Variants in STYK1 observed in about 807,000 individuals in gnomAD.
The protein encoded by STYK1 is STY kinase 1.
STYK1 carries 46 observed loss-of-function variants against 48.1 expected under a neutral mutation model. That is an observed-to-expected ratio of 0.96 (90% confidence interval 0.75 to 1.22). The LOEUF is 1.22. Ranked by LOEUF, STYK1 falls within the 50% of genes most tolerant of loss-of-function variation. The pLI, the probability that STYK1 is intolerant of heterozygous loss-of-function variation, is 0.00. For synonymous variants in STYK1, 188 were observed against 189.0 expected (o/e 0.99, Z 0.04); for missense variants, 527 against 521.1 (o/e 1.01, Z -0.11).
In STYK1 at chr12:10,619,348, G is replaced by GCACCCA. The variant is rs1865868268; in HGVS notation, c.*795_*796insTGGGTG. 6.7e-6 allele frequency: 1 copy of GCACCCA among 150,212 alleles called. No homozygotes were observed. The highest frequency in any genetic ancestry group is 2.1e-4 in the South Asian group (1 of 4,718). The allele number at this position is 150,212 out of a possible 1,614,324, so 9.3% of individuals were successfully genotyped here. ...GGTTTCTACATTTCCTATTTATTGTGCACACACACACACACACACACAGAA... is the reference window on the plus strand; with the variant it reads ...GGTTTCTACATTTCCTATTTATTGTGCACCCACACACACACACACACACACACAGAA... On this transcript the variant is annotated 3_prime_UTR_variant, in exon 11 of 11. Transcript: ENST00000075503.
chr12:10,652,333 A>T (rs556135795), intron 1 of STYK1, among the ~76,000 whole-genome samples: 1 of 152,288 alleles, frequency 6.6e-6, no homozygotes, highest in South Asian at 2.1e-4. Flanking sequence ...TCAGCAAGTT[A>T]GATCACTTCC....
At chr12:10,630,490 T>C (rs567178053) in intron 5 of STYK1, among the ~76,000 whole-genome samples, 57 of 150,214 alleles carry the variant, frequency 3.8e-4, no homozygotes, top group Non-Finnish European at 6.8e-4. Context: ...GTAACATCCA[T>C]TGTGAAAAAA....
intron 6 of STYK1, among the ~76,000 whole-genome samples, chr12:10,628,532 T>TG (rs1947385690): frequency 6.6e-6 from 1 of 152,194 alleles, no homozygotes; most frequent in Non-Finnish European, 1.5e-5. Context: ...CCTAAATACT[T>TG]GCAATCGTCC....
chr12:10,664,621 CTGTT>C (rs1399673706), intron 1 of STYK1, among the ~76,000 whole-genome samples: 1 of 152,152 alleles, frequency 6.6e-6, no homozygotes, highest in East Asian at 1.9e-4. Flanking sequence ...TATTGTCCGT[CTGTT>C]TGTAGATATC....
chr12:10,656,031 C>T (rs1947714432), intron 1 of STYK1, among the ~76,000 whole-genome samples: 1 of 152,134 alleles, frequency 6.6e-6, no homozygotes, highest in Non-Finnish European at 1.5e-5. Flanking sequence ...CCATAATTCC[C>T]ATGTGTTGTG....
At chr12:10,655,748 T>C (rs1217179510) in intron 1 of STYK1, among the ~76,000 whole-genome samples, 1 of 152,208 alleles carries the variant, frequency 6.6e-6, no homozygotes, top group Non-Finnish European at 1.5e-5. Flanking sequence ...TCTGGGAGGT[T>C]ACCTTTGGTA....
intron 1 of STYK1, among the ~76,000 whole-genome samples, chr12:10,650,432 G>A (rs533798000): frequency 6.6e-6 from 1 of 152,316 alleles, no homozygotes; most frequent in South Asian, 2.1e-4. Context: ...TTCAGTGATA[G>A]TAGCTAAAAG....
intron 1 of STYK1, among the ~76,000 whole-genome samples, chr12:10,641,366 T>G (rs1947542871): frequency 6.6e-6 from 1 of 152,152 alleles, no homozygotes; most frequent in Non-Finnish European, 1.5e-5. Flanking sequence ...GCCTGCTGGG[T>G]TTTTCCTTCT....
At chr12:10,647,908 A>G (rs1375158402) in intron 1 of STYK1, among the ~76,000 whole-genome samples, 1 of 152,206 alleles carries the variant, frequency 6.6e-6, no homozygotes, top group Admixed American at 6.5e-5. Context: ...GTCTTCTGCC[A>G]TGATTGTAAG....
chr12:10,626,732 C>T (rs1174625660), intron 7 of STYK1, among the ~76,000 whole-genome samples: 1 of 152,076 alleles, frequency 6.6e-6, no homozygotes, highest in African/African-American at 2.4e-5. Context: ...TTAGGCCGGG[C>T]ACGGTGGCTC....
intron 5 of STYK1, among the ~76,000 whole-genome samples, chr12:10,630,385 C>CAAAAAAAAAAAAAAAAAAAAAAAAAAAAA (rs35704937): frequency 2.1e-5 from 1 of 48,588 alleles, no homozygotes; most frequent in Non-Finnish European, 3.7e-5. Context: ...CACTCTGTCT[C>CAAAAAAAAAAAAAAAAAAAAAAAAAAAAA]AAAAAAAAAA....
At chr12:10,654,409 T>A (rs1360453936) in intron 1 of STYK1, among the ~76,000 whole-genome samples, 1 of 152,164 alleles carries the variant, frequency 6.6e-6, no homozygotes, top group African/African-American at 2.4e-5. Context: ...TCTTTAGCAA[T>A]ATCCAAGAAC....
At chr12:10,625,779 T>C (rs1260930013) in intron 7 of STYK1, among the ~76,000 whole-genome samples, 2 of 152,180 alleles carry the variant, frequency 1.3e-5, no homozygotes, top group East Asian at 1.9e-4. Flanking sequence ...AGTCTGCATA[T>C]TGGAATTGCC....
chr12:10,662,162 C>T (rs765321237), intron 1 of STYK1, among the ~76,000 whole-genome samples: 90 of 152,306 alleles, frequency 5.9e-4, no homozygotes, highest in Admixed American at 1.2e-3. Flanking sequence ...CAAATGTTTT[C>T]AAGGATTATC....
rs149271725 is a variant in STYK1 at position 10,622,540 on chromosome 12, A to G, written c.967+98T>C. ...AGTCCATTTCAAGCTTCAGCACTGTACTGAAACCCTTTCAGAAAGCATACA... is the reference window on the plus strand; with the variant it reads ...AGTCCATTTCAAGCTTCAGCACTGTGCTGAAACCCTTTCAGAAAGCATACA... On this transcript the variant is annotated intron_variant, in intron 9 of 10. Transcript: ENST00000075503. 1.5e-3 allele frequency: 2,020 copies of G among 1,384,430 alleles called. 7 individuals carry two copies. Among genetic ancestry groups the G allele is most frequent in the Non-Finnish European group, 1.9e-3 (1,806 of 974,234 alleles). 85.8% of individuals were successfully genotyped at this position (1,384,430 alleles called of 1,614,324 possible). A position where few individuals can be genotyped will look rare whatever the true frequency, so the allele number is the denominator to read the frequency against.
chr12:10,629,721 G>A (rs139297215), intron 5 of STYK1, 47 bp from the exon 6 acceptor site: 6 of 1,609,128 alleles, frequency 3.7e-6, no homozygotes, highest in South Asian at 1.1e-5. Flanking sequence ...GAGCATCCTC[G>A]ATGAGTGGGA....
In STYK1 at chr12:10,662,526, G is replaced by C. The variant is rs554717211; in HGVS notation, c.-195+11440C>G. On this transcript the variant is annotated intron_variant, in intron 1 of 10. Coordinates refer to ENST00000075503, the MANE Select transcript of STYK1 (RefSeq NM_018423.3). ...TCCACATCCTTGACAAACACTTCTT[G>C]CTTTTTGTCTTTTTTACTGTAGCCC... 4.4e-4 allele frequency among the ~76,000 whole-genome samples: 67 copies of C among 152,274 alleles called. 1 individual carries two copies. The South Asian group carries it at 0.013, about 30-fold the overall frequency.
Position 10,635,380 on chromosome 12 carries a change from C to T in STYK1, c.-68-694G>A, listed in dbSNP as rs182705911. Among the ~76,000 whole-genome samples the T allele has an allele frequency of 1.8e-4, 28 of 152,276 alleles. No homozygotes were observed. The East Asian group carries it at 5.4e-3, about 29-fold the overall frequency. ...TCGAAGGATATGAGTTACACATTTG[C>T]TTTGTTTCTCTGAAATATCCACACC... On this transcript the variant is annotated intron_variant, in intron 2 of 10. Transcript: ENST00000075503.
chr12:10,662,907 C>A (rs962420870), intron 1 of STYK1, among the ~76,000 whole-genome samples: 3 of 152,110 alleles, frequency 2.0e-5, no homozygotes, highest in African/African-American at 4.8e-5. Flanking sequence ...TCTAAGAAAC[C>A]ATTGCCCAAC....
Sources: gnomAD v4.1 joint callset for allele counts (sites outside exome capture counted in the v4.1 genomes callset) on GRCh38, gnomAD v4.1.1 for gene constraint, MANE v1.5 for transcripts, NCBI Gene and HGNC (gene_info 2026-07-23, HGNC 2026-07-21) for gene names.